The following MED13 variants were observed in gnomAD, a reference collection of about 807,000 sequenced individuals.
MED13 encodes mediator complex subunit 13, also known as mediator of RNA polymerase II transcription subunit 13.
MED13 carries 23 observed loss-of-function variants against 225.2 expected under a neutral mutation model. The ratio of observed to expected loss-of-function variants is 0.10; its 90% CI spans 0.07 to 0.14. The LOEUF is 0.14. MED13 is among the 10% of genes least tolerant of loss of function. MED13 has a pLI of 1.00. For synonymous variants in MED13, 942 were observed against 889.2 expected (o/e 1.06, Z -1.06); for missense variants, 2,197 against 2,594.5 (o/e 0.85, Z 3.33).
intron 9 of MED13, 158 bp downstream of exon 9, chr17:62,010,392 C>A: frequency 2.2e-6 from 1 of 464,924 alleles, no homozygotes; most frequent in Non-Finnish European, 3.5e-6. Context: ...AAGAAGTTCC[C>A]TGAGGAAAAA....
At chr17:62,021,958 G>A (rs2080652218) in intron 8 of MED13, among the ~76,000 whole-genome samples, 3 of 152,038 alleles carry the variant, frequency 2.0e-5, no homozygotes, top group Admixed American at 1.3e-4. Flanking sequence ...TTTGAGGTCA[G>A]GAGTTTGAGA....
Position 61,946,471 on chromosome 17 carries a change from C to T in MED13, c.6522G>A (p.Leu2174=), listed in dbSNP as rs954733633. 1.2e-6 allele frequency: 2 copies of T among 1,612,528 alleles called. No homozygotes were observed. The highest frequency in any genetic ancestry group is 1.7e-5 in the Admixed American group (1 of 59,480). ...NQLYNFIMNM[L] is the part of the protein sequence containing the mutation. ...GCACAGTTCCATCAAATGAAGATCA[C>T]AGCATATTCATAATAAAGTTATATA... Residue 2174 remains leucine, a synonymous_variant, in exon 30 of 30, where the codon CTG becomes CTA. Transcript: ENST00000397786.
chr17:62,065,120 C>T lies in MED13; in HGVS notation c.66+20G>A. ...CCTCGCGGCCCCCCTCCCTCGGCGC[C>T]CGCCGGCCCCGGCACTCACCAGGCA... is the stretch of plus-strand genomic sequence containing the variant. On this transcript the variant is annotated intron_variant, in intron 1 of 29. Coordinates refer to ENST00000397786, the MANE Select transcript of MED13 (RefSeq NM_005121.3). 6.5e-7 allele frequency: 1 copy of T among 1,536,138 alleles called. No individual in the cohort carries two copies. Among genetic ancestry groups the T allele is most frequent in the Non-Finnish European group, 8.7e-7 (1 of 1,143,192 alleles).
intron 3 of MED13, among the ~76,000 whole-genome samples, chr17:62,040,874 G>A (rs1168272490): frequency 1.3e-5 from 2 of 151,990 alleles, no homozygotes; most frequent in Non-Finnish European, 2.9e-5. Flanking sequence ...AAAAAAAACA[G>A]GAAATAACAA....
chr17:62,023,864 A>T lies in MED13; in HGVS notation c.1283+5677T>A, dbSNP rs142883670. ...GGTGGGCAGAAGACCTAAAGTACAA[A>T]ATGTAATACTAATTTTTTTAAGTAA... On this transcript the variant is annotated intron_variant, in intron 8 of 29. Transcript: ENST00000397786. Among the ~76,000 whole-genome samples the T allele has an allele frequency of 7.1e-3, 1,087 of 152,312 alleles. 10 individuals carry two copies. The highest frequency in any genetic ancestry group is 0.011 in the Non-Finnish European group (758 of 68,030).
Position 61,946,278 on chromosome 17 carries a change from G to T in MED13, c.*190C>A. 1.6e-6 allele frequency: 1 copy of T among 612,130 alleles called. No homozygotes were observed. Among genetic ancestry groups the T allele is most frequent in the Non-Finnish European group, 2.8e-6 (1 of 363,346 alleles). 37.9% of individuals were successfully genotyped at this position (612,130 alleles called of 1,614,324 possible). On this transcript the variant is annotated 3_prime_UTR_variant, in exon 30 of 30. Coordinates refer to ENST00000397786, the MANE Select transcript of MED13 (RefSeq NM_005121.3). ...GTATGATCAGTCATCATCCTAAAGAGTTCAATAGAGTCAATGAAAAATAGC... is the reference window on the plus strand; with the variant it reads ...GTATGATCAGTCATCATCCTAAAGATTTCAATAGAGTCAATGAAAAATAGC...
chr17:61,993,931 CA>C (rs1304633275), intron 10 of MED13, among the ~76,000 whole-genome samples: 1 of 126,490 alleles, frequency 7.9e-6, no homozygotes, highest in Non-Finnish European at 1.5e-5. Context: ...AACTCCGTCT[CA>C]AAACAAACAA....
rs1460358282 is a variant in MED13 at position 62,052,708 on chromosome 17, A to G, written c.302-3T>C. 1.9e-6 allele frequency: 3 copies of G among 1,557,044 alleles called. No homozygotes were observed. The highest frequency in any genetic ancestry group is 1.2e-5 in the South Asian group (1 of 80,202). ...CTCCCACACTCCATCTTCTTCTTCT[A>G]AAAGAGAAATGAAGGAAATAATAAA... On this transcript the variant is annotated splice_region_variant and splice_polypyrimidine_tract_variant and intron_variant, in intron 2 of 29. Transcript: ENST00000397786.
chr17:62,011,030 C>G lies in MED13; in HGVS notation c.1487G>C (p.Arg496Thr). ...ACTGTCTGGAGCAGAGATCACAAGT[C>G]TTTGGCTGGCTGAATCTGCGTCCAT... The part of the protein sequence containing the change: ...VGMDADSASQ[R>T]LVISAPDSQV... Residue 496 changes from arginine to threonine, a missense_variant, in exon 9 of 30, where the codon AGA becomes ACA. By Grantham distance (71) the Arg-to-Thr change is moderately conservative (BLOSUM62 -1). Transcript: ENST00000397786. 6.2e-7 allele frequency: 1 copy of G among 1,614,188 alleles called. No homozygotes were observed. Among genetic ancestry groups the G allele is most frequent in the Non-Finnish European group, 8.5e-7 (1 of 1,180,022 alleles).
chr17:61,984,628 T>A, intron 14 of MED13, 23 bp downstream of exon 14: 1 of 1,559,816 alleles, frequency 6.4e-7, no homozygotes, highest in Non-Finnish European at 8.7e-7. Flanking sequence ...AGTGAATTAT[T>A]TTTCTAGAAA....
intron 15 of MED13, among the ~76,000 whole-genome samples, chr17:61,983,686 A>G (rs1410969269): frequency 6.6e-6 from 1 of 152,134 alleles, no homozygotes; most frequent in Non-Finnish European, 1.5e-5. Flanking sequence ...CAAATCAAGC[A>G]TAATAGTCTT....
At chr17:61,986,317 TAGGAA>T (rs1315016347) in intron 12 of MED13, among the ~76,000 whole-genome samples, 2 of 152,122 alleles carry the variant, frequency 1.3e-5, no homozygotes, top group East Asian at 1.9e-4. Context: ...GCATATTATA[TAGGAA>T]AGGAAAGATC....
intron 3 of MED13, among the ~76,000 whole-genome samples, chr17:62,050,958 T>C (rs1477295588): frequency 6.6e-6 from 1 of 152,120 alleles, no homozygotes; most frequent in South Asian, 2.1e-4. Context: ...TGAGCTGAGA[T>C]TGCACCACTG....
intron 15 of MED13, among the ~76,000 whole-genome samples, 177 bp from the exon 16 acceptor site, chr17:61,983,291 C>G (rs1160591110): frequency 6.6e-6 from 1 of 152,132 alleles, no homozygotes; most frequent in African/African-American, 2.4e-5. Context: ...CATATCTACT[C>G]TAAGTGATTG....
intron 9 of MED13, among the ~76,000 whole-genome samples, chr17:62,007,709 A>G (rs948332873): frequency 6.6e-6 from 1 of 151,600 alleles, no homozygotes; most frequent in Non-Finnish European, 1.5e-5. Flanking sequence ...TTAGCCGGGC[A>G]TGGTGGCAGG....
intron 1 of MED13, among the ~76,000 whole-genome samples, chr17:62,063,905 C>T (rs1005564242): frequency 6.6e-6 from 1 of 152,112 alleles, no homozygotes; most frequent in Non-Finnish European, 1.5e-5. Context: ...AAATATAAAA[C>T]CTGGTGTATG....
intron 15 of MED13, among the ~76,000 whole-genome samples, chr17:61,983,925 C>T (rs1037397094): frequency 2.0e-5 from 3 of 151,942 alleles, no homozygotes; most frequent in Admixed American, 2.0e-4. Context: ...GACGAGGTTT[C>T]GTATGTTGGC....
intron 3 of MED13, among the ~76,000 whole-genome samples, chr17:62,047,391 T>TA (rs2080907875): frequency 6.6e-6 from 1 of 152,072 alleles, no homozygotes; most frequent in Non-Finnish European, 1.5e-5. Flanking sequence ...AGAATGAGTT[T>TA]ATGTCCTTTG....
rs2080229786 is a variant in MED13 at position 61,984,283 on chromosome 17, G to C, written c.2776C>G (p.Gln926Glu). Residue 926 changes from glutamine to glutamate, a missense_variant, in exon 15 of 30, where the codon CAA (glutamine) becomes GAA (glutamate). Physicochemically the swap from Gln to Glu is conservative, Grantham distance 29 (BLOSUM62 2). Transcript: ENST00000397786. The part of the protein sequence containing the change: ...MFAPLKTLPS[Q>E]YLPPIKLPEE... ...GGCAATTTGATAGGGGGCAGATATT[G>C]GCTTGGTAGAGTTTTTAGAGGTGCA... The C allele has an allele frequency of 6.2e-7, 1 of 1,611,470 alleles. No homozygotes were observed. Among genetic ancestry groups the C allele is most frequent in the African/African-American group, 1.3e-5 (1 of 74,716 alleles).
Sources: allele counts gnomAD v4.1 joint callset (sites outside exome capture counted in the v4.1 genomes callset), GRCh38; gene constraint gnomAD v4.1.1; transcripts MANE v1.5; gene names NCBI Gene and HGNC (gene_info 2026-07-23, HGNC 2026-07-21).